SCAMP1: variants seen among roughly 807,000 people sequenced by gnomAD.
SCAMP1 encodes secretory carrier-associated membrane protein 1.
Under a neutral mutation model 41.8 loss-of-function variants are expected in SCAMP1, and 15 were observed. That is an observed-to-expected ratio of 0.36 (90% CI 0.24 to 0.55). The LOEUF is 0.55. Among genes scored for constraint, SCAMP1 ranks in the 20% least tolerant of loss-of-function variants. The probability of loss-of-function intolerance (pLI) is 0.86; values close to 1 mark genes in which losing one functional copy is unlikely to be tolerated. For synonymous variants in SCAMP1, 135 were observed against 136.8 expected (o/e 0.99, Z 0.09); for missense variants, 341 against 412.6 (o/e 0.83, Z 1.50).
chr5:78,426,420 C>T (rs962525186), intron 6 of SCAMP1, among the ~76,000 whole-genome samples: 2 of 152,126 alleles, frequency 1.3e-5, no homozygotes, highest in East Asian at 1.9e-4. Context: ...AGTGTAAAAG[C>T]GTTCCTATTT....
intron 6 of SCAMP1, among the ~76,000 whole-genome samples, chr5:78,446,113 CTT>C (rs1753046393): frequency 6.6e-6 from 1 of 152,032 alleles, no homozygotes; most frequent in Non-Finnish European, 1.5e-5. Flanking sequence ...CAAAAGTAAA[CTT>C]TGAGGTTTTC....
chr5:78,431,460 A>G (rs933237539), intron 6 of SCAMP1, among the ~76,000 whole-genome samples: 1 of 150,644 alleles, frequency 6.6e-6, no homozygotes, highest in African/African-American at 2.4e-5. Context: ...ATCTGCTTGG[A>G]TTAAAATCTG....
intron 8 of SCAMP1, among the ~76,000 whole-genome samples, chr5:78,470,125 G>GTTTT (rs1753851470): frequency 1.3e-5 from 2 of 151,856 alleles, no homozygotes; most frequent in South Asian, 4.2e-4. Context: ...AAAACCTAAA[G>GTTTT]TATACAATTT....
In SCAMP1 at chr5:78,421,803, C is replaced by T. The variant is rs772841578; in HGVS notation, c.475C>T (p.His159Tyr). ...TATTTTGTTTTCTGATTCCACAGTCCATGCAGTAACACTGTTTCTAAATAT... is the reference window on the plus strand; with the variant it reads ...TATTTTGTTTTCTGATTCCACAGTCTATGCAGTAACACTGTTTCTAAATAT... ...VKLMYYLWMF[H>Y]AVTLFLNIFG... Residue 159 changes from histidine to tyrosine, a missense_variant and splice_region_variant, in exon 6 of 9, where the codon CAT (histidine) becomes TAT (tyrosine). By Grantham distance (83) the His-to-Tyr change is moderately conservative. Transcript: ENST00000621999. 3.7e-6 allele frequency: 6 copies of T among 1,612,240 alleles called. No homozygotes were observed. The Admixed American group carries it at 6.7e-5, about 18-fold the overall frequency.
At chr5:78,459,850 A>G (rs1032741941) in intron 8 of SCAMP1, among the ~76,000 whole-genome samples, 6 of 152,094 alleles carry the variant, frequency 3.9e-5, no homozygotes, top group Non-Finnish European at 5.9e-5. Flanking sequence ...TTGGGCTTCT[A>G]TTGAACCCAT....
intron 1 of SCAMP1, 50 bp from the exon 2 acceptor site, chr5:78,388,786 AT>A: frequency 1.0e-6 from 1 of 983,968 alleles, no homozygotes; most frequent in South Asian, 1.5e-5. Context: ...TATCAAAATT[AT>A]TTTTTAAAGG....
rs59586742 is a variant in SCAMP1 at position 78,469,935 on chromosome 5, AC to A, written c.853-5568del. The stretch of plus-strand genomic sequence containing the variant: ...AAACAAAAAAAAAAAAAAAAAAACA[AC>A]AACACAGCCCAGGCATGGTGGTGTG... On this transcript the variant is annotated intron_variant, in intron 8 of 8. Transcript: ENST00000621999. 7.2e-4 allele frequency among the ~76,000 whole-genome samples: 12 copies of A among 16,570 alleles called. 1 individual carries two copies. Among genetic ancestry groups the A allele is most frequent in the East Asian group, 6.4e-3 (3 of 470 alleles). The allele number at this position is 16,570 out of a possible 152,430, so 10.9% of individuals were successfully genotyped here. A position where few individuals can be genotyped will look rare whatever the true frequency, so the allele number is the denominator to read the frequency against.
chr5:78,430,199 G>A (rs1392687505), intron 6 of SCAMP1, among the ~76,000 whole-genome samples: 1 of 13,364 alleles, frequency 7.5e-5, no homozygotes, highest in Admixed American at 4.9e-4. Context: ...TATAAATACA[G>A]TATTTATTTA....
intron 1 of SCAMP1, among the ~76,000 whole-genome samples, chr5:78,383,557 G>C (rs1751263382): frequency 6.6e-6 from 1 of 152,058 alleles, no homozygotes; most frequent in Non-Finnish European, 1.5e-5. Flanking sequence ...GAAATTTTAT[G>C]GTTTCAGGTC....
intron 7 of SCAMP1, among the ~76,000 whole-genome samples, chr5:78,456,901 T>C (rs1264027321): frequency 4.0e-5 from 5 of 124,212 alleles, no homozygotes; most frequent in Non-Finnish European, 3.3e-5. Flanking sequence ...TTCTTTTTTC[T>C]CTAAACTTCC....
intron 6 of SCAMP1, among the ~76,000 whole-genome samples, chr5:78,431,562 G>T (rs1752624351): frequency 1.5e-5 from 2 of 129,626 alleles, no homozygotes; most frequent in Non-Finnish European, 3.2e-5. Flanking sequence ...GATCAGTTGA[G>T]TATCTGTTAA....
intron 8 of SCAMP1, among the ~76,000 whole-genome samples, chr5:78,463,431 G>C (rs1753666029): frequency 6.6e-6 from 1 of 152,112 alleles, no homozygotes; most frequent in Non-Finnish European, 1.5e-5. Flanking sequence ...TCTCTACCTA[G>C]ATGACCTAGA....
At chr5:78,418,218 G>A (rs558026996) in intron 4 of SCAMP1, among the ~76,000 whole-genome samples, 4 of 151,906 alleles carry the variant, frequency 2.6e-5, no homozygotes, top group Non-Finnish European at 5.9e-5. Flanking sequence ...TGTATCTTTT[G>A]GATATTATTT....
At chr5:78,417,296 T>C (rs986511154) in intron 4 of SCAMP1, among the ~76,000 whole-genome samples, 1 of 152,346 alleles carries the variant, frequency 6.6e-6, no homozygotes, top group South Asian at 2.1e-4. Flanking sequence ...AATAACAATA[T>C]ACAGAACTAT....
In SCAMP1 at chr5:78,390,906, C is replaced by T. The variant is rs113844297; in HGVS notation, c.135+1992C>T. ...CTGTTTAACAAAGCACATCTTGCAC[C>T]GCCCTTAATCCATTTAACCCTGAGT... is the stretch of plus-strand genomic sequence containing the variant. On this transcript the variant is annotated intron_variant, in intron 2 of 8. Coordinates refer to ENST00000621999, the MANE Select transcript of SCAMP1 (RefSeq NM_004866.6). Among the ~76,000 whole-genome samples, 1,241 of 149,422 alleles carry T rather than the reference C, an allele frequency of 8.3e-3. 16 individuals carry two copies. Among genetic ancestry groups the T allele is most frequent in the African/African-American group, 0.028 (1,151 of 40,598 alleles).
At chr5:78,396,023 T>C (rs1016607635) in intron 2 of SCAMP1, among the ~76,000 whole-genome samples, 5 of 152,152 alleles carry the variant, frequency 3.3e-5, no homozygotes, top group Non-Finnish European at 7.4e-5. Context: ...TAAGATATGG[T>C]ATATTAGGAC....
At chr5:78,454,738 G>A (rs1176642262) in intron 7 of SCAMP1, among the ~76,000 whole-genome samples, 1 of 152,118 alleles carries the variant, frequency 6.6e-6, no homozygotes, top group Admixed American at 6.5e-5. Flanking sequence ...CTATTGATTG[G>A]AATAGTTTCA....
intron 6 of SCAMP1, 21 bp from the exon 7 acceptor site, chr5:78,449,912 C>A: frequency 7.5e-7 from 1 of 1,336,080 alleles, no homozygotes; most frequent in Non-Finnish European, 1.0e-6. Flanking sequence ...TTTTTTCTTT[C>A]TTTCTTTTTT....
chr5:78,456,805 A>G (rs1388332438), intron 7 of SCAMP1, among the ~76,000 whole-genome samples: 3 of 123,974 alleles, frequency 2.4e-5, no homozygotes, highest in African/African-American at 3.4e-5. Context: ...CATTCTCCCC[A>G]TCACTTTCAG....
Sources: gnomAD v4.1 joint callset for allele counts (sites outside exome capture counted in the v4.1 genomes callset) on GRCh38, gnomAD v4.1.1 for gene constraint, MANE v1.5 for transcripts, NCBI Gene and HGNC (gene_info 2026-07-23, HGNC 2026-07-21) for gene names.